Variants in KLHL32 observed in about 807,000 individuals in gnomAD.
KLHL32 encodes kelch-like protein 32.
In KLHL32, 35 loss-of-function variants were observed where a neutral mutation model predicts 64.8. The observed-to-expected ratio is 0.54, with a 90% CI of 0.41 to 0.72. The LOEUF is 0.72. Among genes scored for constraint, KLHL32 ranks in the 30% least tolerant of loss-of-function variants. The probability of loss-of-function intolerance (pLI) is 0.00; values close to 1 mark genes in which losing one functional copy is unlikely to be tolerated. For synonymous variants in KLHL32, 259 were observed against 281.0 expected (o/e 0.92, Z 0.78); for missense variants, 589 against 768.5 (o/e 0.77, Z 2.76).
intron 8 of KLHL32, among the ~76,000 whole-genome samples, chr6:97,129,287 C>T (rs576136620): frequency 3.9e-5 from 6 of 152,200 alleles, no homozygotes; most frequent in East Asian, 1.9e-4. Context: ...TTCAAAACAT[C>T]GTATGACTTT....
chr6:97,063,503 G>C (rs1789242258), intron 4 of KLHL32, among the ~76,000 whole-genome samples: 1 of 152,310 alleles, frequency 6.6e-6, no homozygotes. Flanking sequence ...TAGGTAGATA[G>C]GTTGGTAGAT....
chr6:97,009,080 G>A (rs1780034567), intron 3 of KLHL32, among the ~76,000 whole-genome samples: 1 of 151,712 alleles, frequency 6.6e-6, no homozygotes, highest in South Asian at 2.1e-4. Flanking sequence ...AATTGTAAAA[G>A]CAGGTGAGTT....
At chr6:96,902,377 G>C in the KLHL32 span, among the ~76,000 whole-genome samples, 19 of 152,124 alleles carry the variant, frequency 1.2e-4, no homozygotes, top group African/African-American at 4.6e-4. Flanking sequence ...TTTCATGTTT[G>C]TTGGCTGCAT....
chr6:97,103,610 GTAT>G (rs1796034213), intron 6 of KLHL32, among the ~76,000 whole-genome samples: 1 of 152,138 alleles, frequency 6.6e-6, no homozygotes, highest in Admixed American at 6.5e-5. Flanking sequence ...ACAAGAGATG[GTAT>G]TATTATTCAG....
intron 4 of KLHL32, among the ~76,000 whole-genome samples, chr6:97,052,423 T>C (rs1253600718): frequency 6.6e-6 from 1 of 152,260 alleles, no homozygotes; most frequent in East Asian, 1.9e-4. Context: ...TTTATGGGCG[T>C]AGCATTCCTG....
rs534017739 is a variant in KLHL32 at position 97,138,251 on chromosome 6, GA to G, written c.1702-869del. Among the ~76,000 whole-genome samples, 454 of 47,652 alleles carry G rather than the reference GA, an allele frequency of 9.5e-3. 2 individuals are homozygous for G. The highest frequency in any genetic ancestry group is 0.033 in the African/African-American group (442 of 13,428). The allele number at this position is 47,652 out of a possible 152,430, so 31.3% of individuals were successfully genotyped here. On this transcript the variant is annotated intron_variant, in intron 10 of 10. Coordinates refer to ENST00000369261, the MANE Select transcript of KLHL32 (RefSeq NM_052904.4). ...TAACAGAGGCTGTGCTATATAAGAA[GA>G]GAGAGGCCAGGCACAGTGGCTTACA...
chr6:96,961,394 T>C (rs993506630), intron 1 of KLHL32, among the ~76,000 whole-genome samples: 9 of 152,214 alleles, frequency 5.9e-5, no homozygotes, highest in African/African-American at 2.2e-4. Flanking sequence ...TGGTATCTTA[T>C]GTTTATTGAT....
Position 96,928,542 on chromosome 6 carries a change from C to T in KLHL32, c.-66+3516C>T, listed in dbSNP as rs145638017. On this transcript the variant is annotated intron_variant, in intron 1 of 10. Transcript: ENST00000369261. ...TCTGGAGAATGTAGTACTGATTCTTCTAAAGACTGAACATAAAGTCAAGGG... is the reference window on the plus strand; with the variant it reads ...TCTGGAGAATGTAGTACTGATTCTTTTAAAGACTGAACATAAAGTCAAGGG... Among the ~76,000 whole-genome samples, 64 of 152,206 alleles carry T rather than the reference C, an allele frequency of 4.2e-4. No individual in the cohort carries two copies. The East Asian group carries it at 0.01, about 24-fold the overall frequency.
chr6:97,059,490 C>G (rs1404858719), intron 4 of KLHL32, among the ~76,000 whole-genome samples: 3 of 152,192 alleles, frequency 2.0e-5, no homozygotes, highest in Non-Finnish European at 4.4e-5. Flanking sequence ...ATGAACATTT[C>G]CCAATATGAT....
chr6:96,916,134 T>C, the KLHL32 span, among the ~76,000 whole-genome samples: 594 of 152,230 alleles, frequency 3.9e-3, 2 homozygotes, highest in African/African-American at 0.014. Flanking sequence ...TAGAGAGACA[T>C]ACAGGAATCG....
intron 3 of KLHL32, among the ~76,000 whole-genome samples, chr6:97,023,605 G>A (rs1471790487): frequency 1.3e-5 from 2 of 152,136 alleles, no homozygotes; most frequent in African/African-American, 4.8e-5. Flanking sequence ...ATTCCTTAAC[G>A]TAGAATTTCT....
intron 5 of KLHL32, among the ~76,000 whole-genome samples, chr6:97,081,194 T>C (rs1366231299): frequency 6.6e-6 from 1 of 151,944 alleles, no homozygotes; most frequent in Admixed American, 6.6e-5. Flanking sequence ...ACTAGAGTCT[T>C]TATAGTGGTA....
chr6:97,100,504 A>G (rs1795563140), intron 6 of KLHL32, among the ~76,000 whole-genome samples: 1 of 152,202 alleles, frequency 6.6e-6, no homozygotes, highest in Non-Finnish European at 1.5e-5. Context: ...GGGTTCCCCC[A>G]TGCCAGTCTC....
intron 3 of KLHL32, among the ~76,000 whole-genome samples, chr6:97,001,670 A>T (rs957917239): frequency 2.0e-5 from 3 of 152,194 alleles, no homozygotes; most frequent in Non-Finnish European, 4.4e-5. Flanking sequence ...GGGTCTCCCT[A>T]TATTGCCCAA....
intron 3 of KLHL32, among the ~76,000 whole-genome samples, chr6:97,032,823 A>G (rs1392383674): frequency 6.6e-6 from 1 of 152,176 alleles, no homozygotes; most frequent in Non-Finnish European, 1.5e-5. Context: ...TTTATAAACT[A>G]AAGGTTTTTA....
At chr6:97,079,593 T>C (rs947359204) in intron 5 of KLHL32, among the ~76,000 whole-genome samples, 76 of 152,294 alleles carry the variant, frequency 5.0e-4, no homozygotes, top group Non-Finnish European at 9.9e-4. Context: ...ATATAAAGTT[T>C]AAAAATTATT....
At chr6:97,096,372 A>G (rs1794990357) in intron 6 of KLHL32, among the ~76,000 whole-genome samples, 1 of 152,210 alleles carries the variant, frequency 6.6e-6, no homozygotes. Context: ...GACCTAAATC[A>G]TAATACTCCC....
At chr6:97,138,941 G>A (rs1403928452) in intron 10 of KLHL32, among the ~76,000 whole-genome samples, 180 bp from the exon 11 acceptor site, 1 of 152,186 alleles carries the variant, frequency 6.6e-6, no homozygotes, top group Non-Finnish European at 1.5e-5. Flanking sequence ...CTAACATAGT[G>A]TAGCATTTAG....
chr6:97,016,255 G>C (rs1044543295), intron 3 of KLHL32, among the ~76,000 whole-genome samples: 5 of 152,226 alleles, frequency 3.3e-5, no homozygotes, highest in Non-Finnish European at 5.9e-5. Context: ...GCCTCGGAAA[G>C]CTGAAGACAT....
Sources: gnomAD v4.1 joint callset for allele counts (sites outside exome capture counted in the v4.1 genomes callset) on GRCh38, gnomAD v4.1.1 for gene constraint, MANE v1.5 for transcripts, NCBI Gene and HGNC (gene_info 2026-07-23, HGNC 2026-07-21) for gene names.